PINX1: variants seen among roughly 807,000 people sequenced by gnomAD.
PINX1 encodes the protein PIN2 (TERF1) interacting telomerase inhibitor 1, also known as PIN2/TERF1-interacting telomerase inhibitor 1.
Under a neutral mutation model 25.4 loss-of-function variants are expected in PINX1, and 34 were observed. The ratio of observed to expected loss-of-function variants is 1.34; its 90% CI spans 1.02 to 1.78. The LOEUF (loss-of-function observed/expected upper bound fraction) is 1.78. Ranked by LOEUF, PINX1 falls within the 40% of genes most tolerant of loss-of-function variation. The probability of loss-of-function intolerance (pLI) is 0.00; values close to 1 mark genes in which losing one functional copy is unlikely to be tolerated. For synonymous variants in PINX1, 197 were observed against 147.7 expected, an observed-to-expected ratio of 1.33 and a Z score of -2.42; for missense variants, 592 against 404.9, an observed-to-expected ratio of 1.46 and a Z score of -3.97.
Position 10,776,718 on chromosome 8 carries a change from G to A in PINX1, c.472-10802C>T, listed in dbSNP as rs1044003868. ...CGTCGTAAGGTCAGGAAGGGACCACGAGGAAGGGGAAGCAAGGGATGGGAT... is the reference window on the plus strand; with the variant it reads ...CGTCGTAAGGTCAGGAAGGGACCACAAGGAAGGGGAAGCAAGGGATGGGAT... On this transcript the variant is annotated intron_variant, in intron 6 of 6. Transcript: ENST00000314787. 4.6e-5 allele frequency among the ~76,000 whole-genome samples: 7 copies of A among 152,108 alleles called. No homozygotes were observed. The East Asian group carries it at 9.6e-4, about 21-fold the overall frequency.
chr8:10,813,388 G>A (rs1797597779), intron 6 of PINX1, among the ~76,000 whole-genome samples: 1 of 152,148 alleles, frequency 6.6e-6, no homozygotes, highest in African/African-American at 2.4e-5. Context: ...GCAATAAAGA[G>A]ACTCTTCTCA....
intron 6 of PINX1, among the ~76,000 whole-genome samples, chr8:10,803,976 C>A (rs934702738): frequency 6.6e-6 from 1 of 151,684 alleles, no homozygotes; most frequent in Admixed American, 6.6e-5. Context: ...TAAAGAAGTT[C>A]AAATTAGCTA....
chr8:10,812,604 A>G (rs1030527499), intron 6 of PINX1, among the ~76,000 whole-genome samples: 4 of 152,210 alleles, frequency 2.6e-5, no homozygotes, highest in African/African-American at 9.6e-5. Context: ...TGTCACCCTG[A>G]TAACCACACC....
At chr8:10,834,216 C>CCT in intron 2 of PINX1, 1 of 156,196 alleles carries the variant, frequency 6.4e-6, no homozygotes, top group South Asian at 2.0e-4. Context: ...GAGACAATAG[C>CCT]ACTGTGGAGG....
chr8:10,838,162 C>A lies in PINX1; in HGVS notation c.19+1576G>T, dbSNP rs535959666. On this transcript the variant is annotated intron_variant, in intron 1 of 6. Coordinates refer to ENST00000314787, the MANE Select transcript of PINX1 (RefSeq NM_017884.6). ...GAACCGGTTCTAGTTCTGAAGGCTGCCCAATTCTTGAATCATTCTTTGCTC... is the reference window on the plus strand; with the variant it reads ...GAACCGGTTCTAGTTCTGAAGGCTGACCAATTCTTGAATCATTCTTTGCTC... Among the ~76,000 whole-genome samples, 4 of 152,324 alleles carry A rather than the reference C, an allele frequency of 2.6e-5. No individual in the cohort carries two copies. In the South Asian group the frequency reaches 8.3e-4, roughly 32 times the overall value.
chr8:10,782,159 A>G (rs1452089157), intron 6 of PINX1, among the ~76,000 whole-genome samples: 1 of 152,216 alleles, frequency 6.6e-6, no homozygotes, highest in Non-Finnish European at 1.5e-5. Context: ...AAATGTGGTT[A>G]CTGGAGCAGG....
intron 4 of PINX1, among the ~76,000 whole-genome samples, chr8:10,830,999 C>G (rs991668327): frequency 6.6e-6 from 1 of 152,280 alleles, no homozygotes; most frequent in East Asian, 1.9e-4. Flanking sequence ...TGCAAACCCA[C>G]GTTCACTGCA....
In PINX1 at chr8:10,834,680, A is replaced by T; in HGVS notation, c.115T>A (p.Trp39Arg). 6.2e-7 allele frequency: 1 copy of T among 1,613,258 alleles called. No homozygotes were observed. Among genetic ancestry groups the T allele is most frequent in the African/African-American group, 1.3e-5 (1 of 74,900 alleles). The change falls in exon 2 of 7, where the codon TGG becomes AGG. Residue 39 changes from tryptophan (W) to arginine (R), a missense_variant. Trp to Arg is a moderately radical substitution (Grantham distance 101). Coordinates refer to ENST00000314787, the MANE Select transcript of PINX1 (RefSeq NM_017884.6). Reference sequence around the variant, plus strand: ...CTCCAAAATACCTTTCCTTTAGACCACCCCATCTTCTCTAGCATCCGCTGG... The same window carrying T: ...CTCCAAAATACCTTTCCTTTAGACCTCCCCATCTTCTCTAGCATCCGCTGG... Reference protein sequence around the residue: ...FGQRMLEKMGWSKGKGLGAQE... With the variant: ...FGQRMLEKMGRSKGKGLGAQE...
intron 4 of PINX1, among the ~76,000 whole-genome samples, chr8:10,829,149 G>A (rs995301766): frequency 6.6e-6 from 1 of 151,998 alleles, no homozygotes. Context: ...AGCCAGGCGT[G>A]GTGGTGTGCA....
chr8:10,808,318 T>G (rs1162770747), intron 6 of PINX1, among the ~76,000 whole-genome samples: 1 of 152,182 alleles, frequency 6.6e-6, no homozygotes, highest in Non-Finnish European at 1.5e-5. Context: ...ACCAAATAAC[T>G]GAGGAAGAAT....
In PINX1 at chr8:10,765,540, G is replaced by A. The variant is rs368843905; in HGVS notation, c.848C>T (p.Pro283Leu). 39 of 1,613,480 alleles carry A rather than the reference G, an allele frequency of 2.4e-5. 1 individual carries two copies. The highest frequency in any genetic ancestry group is 2.8e-5 in the Non-Finnish European group (33 of 1,179,874). ...SAQDAGDHVQ[P>L]PEGRDFTLKP... is the part of the protein sequence containing the mutation. ...CAGGGTGAAGTCCCGGCCCTCAGGCGGCTGCACATGGTCCCCTGCATCCTG... is the reference window on the plus strand; with the variant it reads ...CAGGGTGAAGTCCCGGCCCTCAGGCAGCTGCACATGGTCCCCTGCATCCTG... Residue 283 changes from proline to leucine, a missense_variant, in exon 7 of 7, where the codon CCG (proline) becomes CTG (leucine). Transcript: ENST00000314787.
intron 6 of PINX1, among the ~76,000 whole-genome samples, chr8:10,808,934 G>C (rs1159132875): frequency 6.6e-6 from 1 of 152,210 alleles, no homozygotes; most frequent in Non-Finnish European, 1.5e-5. Flanking sequence ...ACAAACTGTA[G>C]TTAAAAAATG....
chr8:10,805,346 G>A (rs1009735300), intron 6 of PINX1, among the ~76,000 whole-genome samples: 4 of 152,264 alleles, frequency 2.6e-5, no homozygotes, highest in African/African-American at 9.6e-5. Flanking sequence ...CCCACCCCAT[G>A]TTTCAGTAAG....
chr8:10,784,265 T>C (rs1481008463), intron 6 of PINX1, among the ~76,000 whole-genome samples: 3 of 152,230 alleles, frequency 2.0e-5, no homozygotes, highest in African/African-American at 4.8e-5. Flanking sequence ...ATCACTGTTT[T>C]ACTTTAGAAA....
At chr8:10,788,363 A>T (rs1396416910) in intron 6 of PINX1, among the ~76,000 whole-genome samples, 1 of 152,186 alleles carries the variant, frequency 6.6e-6, no homozygotes, top group African/African-American at 2.4e-5. Flanking sequence ...GGAGTTGGAG[A>T]CCAGCAGTTG....
chr8:10,772,877 T>C (rs2129071522), intron 6 of PINX1, among the ~76,000 whole-genome samples: 1 of 152,122 alleles, frequency 6.6e-6, no homozygotes, highest in African/African-American at 2.4e-5. Flanking sequence ...CAGAGGGTTC[T>C]CTCTAGAACA....
chr8:10,766,435 T>C (rs945962463), intron 6 of PINX1, among the ~76,000 whole-genome samples: 1 of 152,220 alleles, frequency 6.6e-6, no homozygotes, highest in Non-Finnish European at 1.5e-5. Context: ...AGGAGCCGCA[T>C]TCCACCCTGG....
intron 6 of PINX1, among the ~76,000 whole-genome samples, chr8:10,808,469 A>G (rs905552744): frequency 2.6e-5 from 4 of 152,242 alleles, no homozygotes; most frequent in Non-Finnish European, 5.9e-5. Flanking sequence ...AATAACAAGC[A>G]TTTAACACAT....
chr8:10,815,116 AT>A (rs935611636), intron 6 of PINX1, among the ~76,000 whole-genome samples: 2 of 152,008 alleles, frequency 1.3e-5, no homozygotes, highest in Non-Finnish European at 2.9e-5. Flanking sequence ...AATTTTTTAA[AT>A]TTTTGGTAGA....
Sources: allele counts gnomAD v4.1 joint callset (sites outside exome capture counted in the v4.1 genomes callset), GRCh38; gene constraint gnomAD v4.1.1; transcripts MANE v1.5; gene names NCBI Gene and HGNC (gene_info 2026-07-23, HGNC 2026-07-21).